PIP5K1C: variants seen among roughly 807,000 people sequenced by gnomAD.
PIP5K1C encodes the protein phosphatidylinositol 4-phosphate 5-kinase type-1 gamma.
PIP5K1C carries 45 observed loss-of-function variants against 80.1 expected under a neutral mutation model. The observed-to-expected ratio is 0.56, with a 90% confidence interval of 0.44 to 0.72. The LOEUF is 0.72. Ranked by LOEUF, PIP5K1C falls within the 30% of genes least tolerant of loss-of-function variation. The probability of loss-of-function intolerance (pLI) is 0.00; values close to 1 mark genes in which losing one functional copy is unlikely to be tolerated. For synonymous variants in PIP5K1C, 498 were observed against 420.1 expected (o/e 1.19, Z -2.27); for missense variants, 753 against 954.6 (o/e 0.79, Z 2.78).
At chr19:3,664,781 C>G in intron 3 of PIP5K1C, 41 bp downstream of exon 3, 1 of 1,512,040 alleles carries the variant, frequency 6.6e-7, no homozygotes, top group Non-Finnish European at 9.2e-7. Flanking sequence ...CCCCTCTGCT[C>G]TGTCCCGCTC....
intron 16 of PIP5K1C, among the ~76,000 whole-genome samples, chr19:3,634,791 C>A (rs899503778): frequency 2.0e-5 from 3 of 152,252 alleles, no homozygotes; most frequent in Admixed American, 2.0e-4. Context: ...TGTGCTCACT[C>A]CACCCTGCCC....
intron 15 of PIP5K1C, 43 bp downstream of exon 15, chr19:3,641,662 G>A (rs368889764): frequency 5.6e-5 from 83 of 1,474,502 alleles, no homozygotes; most frequent in Middle Eastern, 2.2e-4. Flanking sequence ...CTCTGGGCCC[G>A]CAGCAGGTGG....
chr19:3,663,451 A>G (rs1217249763), intron 3 of PIP5K1C, among the ~76,000 whole-genome samples: 1 of 151,530 alleles, frequency 6.6e-6, no homozygotes. Flanking sequence ...CAGAACAGAC[A>G]TGTGCCCAAA....
At chr19:3,642,154 C>A (rs969909084) in intron 14 of PIP5K1C, among the ~76,000 whole-genome samples, 4 of 152,232 alleles carry the variant, frequency 2.6e-5, no homozygotes. Context: ...GCCGCCGGGC[C>A]TGGCCATGTA....
chr19:3,658,567 C>T (rs1291426310), intron 5 of PIP5K1C, among the ~76,000 whole-genome samples: 5 of 152,220 alleles, frequency 3.3e-5, no homozygotes, highest in Admixed American at 6.5e-5. Flanking sequence ...CTGGGGCTGG[C>T]GCCCTCCCTG....
intron 1 of PIP5K1C, among the ~76,000 whole-genome samples, chr19:3,691,158 G>A (rs1180325520): frequency 1.3e-5 from 2 of 152,234 alleles, no homozygotes; most frequent in Non-Finnish European, 2.9e-5. Flanking sequence ...TGAGTCACAA[G>A]AAGACGAATA....
At chr19:3,685,081 G>A (rs1043696961) in intron 1 of PIP5K1C, among the ~76,000 whole-genome samples, 4 of 152,154 alleles carry the variant, frequency 2.6e-5, no homozygotes, top group Non-Finnish European at 5.9e-5. Flanking sequence ...AACAGGCAGA[G>A]GAAAAGAAAA....
At chr19:3,656,175 G>A (rs1182055614) in intron 6 of PIP5K1C, among the ~76,000 whole-genome samples, 5 of 152,220 alleles carry the variant, frequency 3.3e-5, no homozygotes, top group Non-Finnish European at 5.9e-5. Flanking sequence ...CCCTGCCCGG[G>A]GACGGCCCCC....
intron 2 of PIP5K1C, 110 bp from the exon 3 acceptor site, chr19:3,665,024 T>C: frequency 1.1e-6 from 1 of 886,584 alleles, no homozygotes; most frequent in Non-Finnish European, 1.8e-6. Flanking sequence ...CCAGCAGGGG[T>C]GCACAGGGCA....
At chr19:3,679,674 A>C (rs2035526452) in intron 1 of PIP5K1C, among the ~76,000 whole-genome samples, 2 of 152,112 alleles carry the variant, frequency 1.3e-5, no homozygotes, top group South Asian at 4.1e-4. Context: ...ACTGGAGAGG[A>C]CGTGACCTGG....
Position 3,656,745 on chromosome 19 carries a change from C to T in PIP5K1C, c.469-188G>A, listed in dbSNP as rs376021918. 1.3e-5 allele frequency among the ~76,000 whole-genome samples: 2 copies of T among 152,198 alleles called. 1 individual carries two copies. The highest frequency in any genetic ancestry group is 4.1e-4 in the South Asian group (2 of 4,832). ...GCCAGCAAGGACTGGAGCCTGAGGC[C>T]GAGCTGACTCTGCAGCCCGAGGGCT... On this transcript the variant is annotated intron_variant, in intron 5 of 17. Coordinates refer to ENST00000335312, the MANE Select transcript of PIP5K1C (RefSeq NM_012398.3).
intron 1 of PIP5K1C, among the ~76,000 whole-genome samples, chr19:3,677,955 G>A (rs2035426587): frequency 7.2e-6 from 1 of 138,776 alleles, no homozygotes; most frequent in African/African-American, 2.7e-5. Context: ...AGGGAGGGAT[G>A]GATGGATGGA....
chr19:3,637,373 C>G lies in PIP5K1C; in HGVS notation c.1920+1511G>C. 1 of 1,535,370 alleles carries G rather than the reference C, an allele frequency of 6.5e-7. No individual in the cohort carries two copies. The highest frequency in any genetic ancestry group is 1.4e-5 in the African/African-American group (1 of 73,152). On this transcript the variant is annotated intron_variant, in intron 16 of 17. Transcript: ENST00000335312. This position sits in a 1 kb window ranked among gnomAD's most constrained non-coding sequence, Gnocchi z 7.0. ...GACGCATGCAGCCCAGCGCCTGGTC[C>G]GGGGCCAGCGTGGCTGACCTCAATT...
At chr19:3,700,240 A>G in intron 1 of PIP5K1C, 57 bp downstream of exon 1, 9 of 997,222 alleles carry the variant, frequency 9.0e-6, no homozygotes, top group Non-Finnish European at 9.9e-6. Context: ...CAGCCCCGCG[A>G]CTCTCGGCGC....
At chr19:3,666,013 C>T (rs2034995048) in intron 2 of PIP5K1C, among the ~76,000 whole-genome samples, 1 of 152,146 alleles carries the variant, frequency 6.6e-6, no homozygotes, top group African/African-American at 2.4e-5. Flanking sequence ...CCTGCATTCT[C>T]CCAGGTGGCC....
chr19:3,641,982 T>TTGG (rs1382469176), intron 14 of PIP5K1C, among the ~76,000 whole-genome samples, 173 bp from the exon 15 acceptor site: 1 of 152,150 alleles, frequency 6.6e-6, no homozygotes, highest in Non-Finnish European at 1.5e-5. Flanking sequence ...CCTGGGTCCC[T>TTGG]TGGTGACTGT....
intron 8 of PIP5K1C, 66 bp downstream of exon 8, chr19:3,651,760 G>T (rs2034458920): frequency 2.7e-6 from 4 of 1,476,874 alleles, no homozygotes; most frequent in South Asian, 2.3e-5. Flanking sequence ...CTTGGGACGG[G>T]GATGGGGAAC....
At chr19:3,643,182 A>C (rs2034050563) in intron 13 of PIP5K1C, 61 bp downstream of exon 13, 11 of 1,604,956 alleles carry the variant, frequency 6.9e-6, no homozygotes, top group Non-Finnish European at 9.3e-6. Context: ...CATGCAGTGA[A>C]TGCCCCGCCC....
At chr19:3,658,177 G>A (rs141866818) in intron 5 of PIP5K1C, among the ~76,000 whole-genome samples, 1 of 152,202 alleles carries the variant, frequency 6.6e-6, no homozygotes, top group Admixed American at 6.5e-5. Flanking sequence ...GCCAGGGAAC[G>A]GCGCCATCAG....
Sources: allele counts gnomAD v4.1 joint callset (sites outside exome capture counted in the v4.1 genomes callset), GRCh38; gene constraint gnomAD v4.1.1; non-coding constraint Gnocchi (gnomAD v3.1); transcripts MANE v1.5; gene names NCBI Gene and HGNC (gene_info 2026-07-23, HGNC 2026-07-21).